NPRL3: variants seen among roughly 807,000 people sequenced by gnomAD.
NPRL3 encodes GATOR1 complex protein NPRL3.
In NPRL3, 23 loss-of-function variants were observed where a neutral mutation model predicts 57.2. The observed-to-expected ratio is 0.40, with a 90% CI of 0.29 to 0.57. The LOEUF (loss-of-function observed/expected upper bound fraction) is 0.57, where lower values mean the gene tolerates loss of function less well. NPRL3 is among the 20% of genes least tolerant of loss of function. The probability of loss-of-function intolerance (pLI) is 0.42; values close to 1 mark genes in which losing one functional copy is unlikely to be tolerated. For missense variants in NPRL3, 691 were observed against 767.1 expected, an observed-to-expected ratio of 0.90 and a Z score of 1.17; for synonymous variants, 333 against 321.1, an observed-to-expected ratio of 1.04 and a Z score of -0.39.
In NPRL3 at chr16:98,250, C is replaced by T. The variant is rs757942313; in HGVS notation, c.819G>A (p.Glu273=). 3 of 1,613,866 alleles carry T rather than the reference C, an allele frequency of 1.9e-6. No homozygotes were observed. The South Asian group carries it at 3.3e-5, about 18-fold the overall frequency. ...LLSDEKSLLG[E]LPIDCSPALV... ...GGGCAGGGGAGCAGTCAATAGGAAG[C>T]TCACCCAGCAAGGACTTCTCATCAC... Residue 273 remains glutamate, a synonymous_variant, in exon 9 of 14, where the codon GAG becomes GAA. Transcript: ENST00000611875.
rs939622748 is a variant in NPRL3 at position 134,247 on chromosome 16, C to T, written c.119-3656G>A. On this transcript the variant is annotated intron_variant, in intron 2 of 13. Transcript: ENST00000611875. ...CACATGTACACACACACACACACCCCCTCACAGTGTGGGATGACAATTAGG... is the reference window on the plus strand; with the variant it reads ...CACATGTACACACACACACACACCCTCTCACAGTGTGGGATGACAATTAGG... 2.6e-5 allele frequency among the ~76,000 whole-genome samples: 4 copies of T among 151,794 alleles called. No homozygotes were observed. The South Asian group carries it at 8.3e-4, about 32-fold the overall frequency.
chr16:101,818 C>T (rs569017531), intron 7 of NPRL3, among the ~76,000 whole-genome samples: 4 of 152,326 alleles, frequency 2.6e-5, no homozygotes, highest in Non-Finnish European at 5.9e-5. Context: ...TCTGCAGACG[C>T]CCCAAGGCTC....
intron 2 of NPRL3, 65 bp downstream of exon 2, chr16:138,085 A>T: frequency 7.7e-7 from 1 of 1,291,936 alleles, no homozygotes. Flanking sequence ...GCGGCCCTGG[A>T]ATGAGGCGAC....
chr16:98,264 A>G lies in NPRL3; in HGVS notation c.805T>C (p.Ser269Pro). ...HALLLLSDEKSLLGELPIDCS... is the reference protein window; with the variant it reads ...HALLLLSDEKPLLGELPIDCS... ...TCAATAGGAAGCTCACCCAGCAAGGACTTCTCATCACTGAGCAGCAGCAGG... is the reference window on the plus strand; with the variant it reads ...TCAATAGGAAGCTCACCCAGCAAGGGCTTCTCATCACTGAGCAGCAGCAGG... Residue 269 changes from serine to proline, a missense_variant, in exon 9 of 14, where the codon TCC becomes CCC. Physicochemically the swap from Ser to Pro is moderately conservative, Grantham distance 74 (BLOSUM62 -1). Transcript: ENST00000611875. 1.9e-6 allele frequency: 3 copies of G among 1,613,968 alleles called. No individual in the cohort carries two copies. The highest frequency in any genetic ancestry group is 2.5e-6 in the Non-Finnish European group (3 of 1,179,864).
At chr16:96,550 C>T (rs1247382204) in intron 9 of NPRL3, among the ~76,000 whole-genome samples, 1 of 151,040 alleles carries the variant, frequency 6.6e-6, no homozygotes, top group Admixed American at 6.6e-5. Context: ...GTGGCTCATG[C>T]CTGTAATACC....
At chr16:91,447 G>A (rs925674079) in intron 11 of NPRL3, among the ~76,000 whole-genome samples, 2 of 152,202 alleles carry the variant, frequency 1.3e-5, no homozygotes, top group Non-Finnish European at 2.9e-5. Flanking sequence ...GCTGACCTAG[G>A]CCCCTTGACA....
intron 2 of NPRL3, among the ~76,000 whole-genome samples, chr16:131,132 C>T (rs1400611215): frequency 2.6e-5 from 4 of 152,170 alleles, no homozygotes; most frequent in Non-Finnish European, 4.4e-5. Flanking sequence ...GTCAGGAGTT[C>T]GAAACCAGCC....
At chr16:91,054 T>A (rs1408577917) in intron 11 of NPRL3, 5 of 151,848 alleles carry the variant, frequency 3.3e-5, no homozygotes, top group African/African-American at 1.2e-4. Flanking sequence ...TACTTCAGCC[T>A]GGACAACAAA....
chr16:116,986 AG>A (rs1476001571), intron 5 of NPRL3, among the ~76,000 whole-genome samples: 1 of 147,154 alleles, frequency 6.8e-6, no homozygotes, highest in Non-Finnish European at 1.5e-5. Context: ...AAAAAAAAAA[AG>A]AGAATAACTG....
intron 3 of NPRL3, among the ~76,000 whole-genome samples, chr16:126,781 C>G (rs1255450275): frequency 6.6e-6 from 1 of 152,194 alleles, no homozygotes; most frequent in Non-Finnish European, 1.5e-5. Context: ...CTTAGAGACA[C>G]TGGACAATAT....
intron 9 of NPRL3, among the ~76,000 whole-genome samples, chr16:97,606 C>T (rs902655030): frequency 2.0e-5 from 3 of 152,032 alleles, no homozygotes; most frequent in African/African-American, 7.2e-5. Flanking sequence ...AAGGGCAGCC[C>T]TCTGCATGGA....
chr16:108,994 G>C (rs1323632151), intron 7 of NPRL3, among the ~76,000 whole-genome samples: 5 of 150,486 alleles, frequency 3.3e-5, no homozygotes, highest in Non-Finnish European at 7.4e-5. Flanking sequence ...TTTGATACGC[G>C]GTCTGGCTCT....
intron 9 of NPRL3, among the ~76,000 whole-genome samples, chr16:95,407 A>T (rs1410954685): frequency 1.3e-5 from 2 of 150,256 alleles, no homozygotes; most frequent in African/African-American, 4.9e-5. Flanking sequence ...ATATACAGAT[A>T]AAAAACCTGG....
chr16:98,795 G>A (rs781059394), intron 8 of NPRL3, among the ~76,000 whole-genome samples: 4 of 152,042 alleles, frequency 2.6e-5, no homozygotes, highest in African/African-American at 4.8e-5. Context: ...AAAATTATCC[G>A]GGTGTGGTTG....
chr16:137,608 G>A (rs975738256), intron 2 of NPRL3, among the ~76,000 whole-genome samples: 13 of 151,130 alleles, frequency 8.6e-5, no homozygotes, highest in Non-Finnish European at 1.8e-4. Context: ...GGAATCCAGT[G>A]GCGCGATCTC....
intron 11 of NPRL3, among the ~76,000 whole-genome samples, chr16:91,407 T>C (rs1898759519): frequency 6.6e-6 from 1 of 152,136 alleles, no homozygotes; most frequent in South Asian, 2.1e-4. Context: ...ACAGAGGGGC[T>C]TCCCAGCACT....
chr16:101,254 T>A (rs1415160663), intron 7 of NPRL3, among the ~76,000 whole-genome samples: 2 of 152,098 alleles, frequency 1.3e-5, no homozygotes, highest in African/African-American at 4.8e-5. Context: ...ACAGTGGCTG[T>A]CTCAGAGGGC....
intron 9 of NPRL3, among the ~76,000 whole-genome samples, chr16:95,348 T>TATATAC (rs1555440551): frequency 2.2e-5 from 1 of 45,006 alleles, no homozygotes; most frequent in African/African-American, 4.9e-5. Context: ...TATATATATA[T>TATATAC]ATACACACAC....
chr16:134,478 G>A (rs1159374862), intron 2 of NPRL3, among the ~76,000 whole-genome samples: 2 of 151,958 alleles, frequency 1.3e-5, no homozygotes, highest in Non-Finnish European at 2.9e-5. Flanking sequence ...TTTCCTGAAC[G>A]GGAAGATTCA....
Sources: gnomAD v4.1 joint callset for allele counts (sites outside exome capture counted in the v4.1 genomes callset) on GRCh38, gnomAD v4.1.1 for gene constraint, MANE v1.5 for transcripts, NCBI Gene and HGNC (gene_info 2026-07-23, HGNC 2026-07-21) for gene names.